The following ASIC2 variants were observed in gnomAD, a reference collection of about 807,000 sequenced individuals.
The protein encoded by ASIC2 is acid-sensing ion channel 2.
Under a neutral mutation model 57.3 loss-of-function variants are expected in ASIC2, and 25 were observed. The ratio of observed to expected loss-of-function variants is 0.44; its 90% CI spans 0.32 to 0.61. The LOEUF is 0.61. ASIC2 is among the 20% of genes least tolerant of loss of function. The probability of loss-of-function intolerance (pLI) is 0.06; values close to 1 mark genes in which losing one functional copy is unlikely to be tolerated. For synonymous variants in ASIC2, 319 were observed against 307.5 expected (o/e 1.04, Z -0.39); for missense variants, 641 against 738.1 (o/e 0.87, Z 1.52).
intron 1 of ASIC2, among the ~76,000 whole-genome samples, chr17:33,488,995 A>T (rs942022286): frequency 6.6e-6 from 1 of 151,964 alleles, no homozygotes; most frequent in Non-Finnish European, 1.5e-5. Context: ...TGATGAGATG[A>T]TCCCCTAGGC....
intron 1 of ASIC2, among the ~76,000 whole-genome samples, chr17:33,686,483 C>T (rs1274948048): frequency 6.6e-6 from 1 of 152,116 alleles, no homozygotes; most frequent in Non-Finnish European, 1.5e-5. Context: ...GGTTTACAGC[C>T]CCAGCTGTGC....
chr17:33,793,321 C>G (rs1245389259), intron 1 of ASIC2: 1 of 152,226 alleles, frequency 6.6e-6, no homozygotes, highest in Non-Finnish European at 1.5e-5. Flanking sequence ...GTTATTTTAT[C>G]TTATCCTCAC....
At chr17:33,352,234 C>T (rs1028858187) in intron 1 of ASIC2, among the ~76,000 whole-genome samples, 1 of 152,086 alleles carries the variant, frequency 6.6e-6, no homozygotes, top group African/African-American at 2.4e-5. Context: ...ATCAACATGC[C>T]CAGAACTGAA....
intron 1 of ASIC2, among the ~76,000 whole-genome samples, chr17:33,585,503 C>T (rs1228068534): frequency 6.6e-6 from 1 of 152,176 alleles, no homozygotes; most frequent in Admixed American, 6.5e-5. Flanking sequence ...TGCACTTTTT[C>T]CTTCCCACCC....
intron 1 of ASIC2, among the ~76,000 whole-genome samples, chr17:33,773,589 A>C (rs1247667357): frequency 6.6e-6 from 1 of 152,030 alleles, no homozygotes; most frequent in East Asian, 1.9e-4. Context: ...GGAAAGAGAG[A>C]AGAGATTCAC....
In ASIC2 at chr17:33,443,406, A is replaced by ATTTTTTTTTTTT. The variant is rs779597047; in HGVS notation, c.556-331351_556-331340dup. ...TTTTTTATGTATGGTGGAGGGTAAG[A>ATTTTTTTTTTTT]TTTTTTTTTTTTTTTTTTTTTTTTT... On this transcript the variant is annotated intron_variant, in intron 1 of 9. Coordinates refer to the ASIC2 transcript ENST00000359872. Among the ~76,000 whole-genome samples, 365 of 75,238 alleles carry ATTTTTTTTTTTT rather than the reference A, an allele frequency of 4.9e-3. 25 individuals are homozygous for ATTTTTTTTTTTT. Among genetic ancestry groups the ATTTTTTTTTTTT allele is most frequent in the Middle Eastern group, 0.027 (2 of 74 alleles). The allele number at this position is 75,238 out of a possible 152,430, so 49.4% of individuals were successfully genotyped here.
intron 1 of ASIC2, among the ~76,000 whole-genome samples, chr17:33,629,189 A>G (rs1906082609): frequency 6.6e-6 from 1 of 152,178 alleles, no homozygotes; most frequent in South Asian, 2.1e-4. Context: ...CTGTAGCCAG[A>G]GAATGCTCAC....
At chr17:33,461,726 C>G (rs988816655) in intron 1 of ASIC2, among the ~76,000 whole-genome samples, 2 of 152,088 alleles carry the variant, frequency 1.3e-5, no homozygotes, top group Non-Finnish European at 2.9e-5. Flanking sequence ...GGGTAATACC[C>G]ACCCCCTCCA....
At chr17:33,551,554 T>A (rs1429932063) in intron 1 of ASIC2, among the ~76,000 whole-genome samples, 1 of 152,140 alleles carries the variant, frequency 6.6e-6, no homozygotes, top group Non-Finnish European at 1.5e-5. Context: ...AGGATTCTGG[T>A]CTACTCCCAA....
intron 1 of ASIC2, among the ~76,000 whole-genome samples, chr17:33,963,528 C>A (rs1904988921): frequency 6.6e-6 from 1 of 152,188 alleles, no homozygotes; most frequent in African/African-American, 2.4e-5. Flanking sequence ...CTTAAATATG[C>A]ATTGGACAGA....
chr17:33,979,152 G>A (rs1328218503), intron 1 of ASIC2, among the ~76,000 whole-genome samples: 3 of 152,130 alleles, frequency 2.0e-5, no homozygotes, highest in African/African-American at 7.2e-5. Flanking sequence ...ATGAAGGCAA[G>A]ACACCCTCTA....
At chr17:33,259,291 C>CTTGTA (rs1909195162) in intron 1 of ASIC2, among the ~76,000 whole-genome samples, 2 of 152,166 alleles carry the variant, frequency 1.3e-5, no homozygotes, top group South Asian at 4.1e-4. Context: ...GTGGCATTAT[C>CTTGTA]TTGTACAGCA....
chr17:33,861,421 C>A (rs1914098663), intron 1 of ASIC2, among the ~76,000 whole-genome samples: 1 of 152,166 alleles, frequency 6.6e-6, no homozygotes, highest in South Asian at 2.1e-4. Context: ...TTTTGAAATT[C>A]ATGGCAACCC....
At chr17:33,138,634 C>T (rs931748469) in intron 1 of ASIC2, among the ~76,000 whole-genome samples, 3 of 152,176 alleles carry the variant, frequency 2.0e-5, no homozygotes, top group African/African-American at 7.2e-5. Context: ...CTGCCATCAG[C>T]GGTGGCACCG....
At chr17:33,844,796 C>A (rs1913533477) in intron 1 of ASIC2, among the ~76,000 whole-genome samples, 1 of 152,228 alleles carries the variant, frequency 6.6e-6, no homozygotes, top group African/African-American at 2.4e-5. Flanking sequence ...ATATTAGCTA[C>A]CAATATTTAT....
At chr17:33,871,329 G>A (rs1914400401) in intron 1 of ASIC2, among the ~76,000 whole-genome samples, 2 of 152,164 alleles carry the variant, frequency 1.3e-5, no homozygotes, top group Admixed American at 1.3e-4. Context: ...AGTATTTTGG[G>A]CAGCACTTGA....
At chr17:33,268,375 AT>A (rs1909557853) in intron 1 of ASIC2, among the ~76,000 whole-genome samples, 1 of 151,832 alleles carries the variant, frequency 6.6e-6, no homozygotes, top group African/African-American at 2.4e-5. Context: ...CCATCCATCC[AT>A]CCATCCATCC....
At chr17:33,234,490 C>T (rs924676836) in intron 1 of ASIC2, among the ~76,000 whole-genome samples, 1 of 152,180 alleles carries the variant, frequency 6.6e-6, no homozygotes, top group Non-Finnish European at 1.5e-5. Context: ...TGCCCACAGG[C>T]ACTCATCTCC....
chr17:34,003,232 T>C (rs1906406488), intron 1 of ASIC2: 2 of 152,222 alleles, frequency 1.3e-5, no homozygotes, highest in South Asian at 4.1e-4. Context: ...TTAATTACTA[T>C]GAGACTTTGA....
Sources: allele counts gnomAD v4.1 joint callset (sites outside exome capture counted in the v4.1 genomes callset), GRCh38; gene constraint gnomAD v4.1.1; transcripts MANE v1.5; gene names NCBI Gene and HGNC (gene_info 2026-07-23, HGNC 2026-07-21).